NR3C2: variants seen among roughly 807,000 people sequenced by gnomAD.
NR3C2 encodes nuclear receptor subfamily 3 group C member 2.
A neutral mutation model predicts 86.4 loss-of-function variants in NR3C2; 15 were observed. The ratio of observed to expected loss-of-function variants is 0.17; its 90% CI spans 0.12 to 0.27. NR3C2 has a LOEUF of 0.27. NR3C2 is among the 10% of genes least tolerant of loss of function. NR3C2 has a pLI of 1.00. For synonymous variants in NR3C2, 458 were observed against 450.5 expected, an observed-to-expected ratio of 1.02 and a Z score of -0.21; for missense variants, 960 against 1,195.6, an observed-to-expected ratio of 0.80 and a Z score of 2.91.
intron 3 of NR3C2, among the ~76,000 whole-genome samples, chr4:148,224,327 A>C (rs565367226): frequency 2.0e-5 from 3 of 152,356 alleles, no homozygotes; most frequent in Admixed American, 2.0e-4. Flanking sequence ...ATTAGTCAAA[A>C]TAGAATGTGT....
At chr4:148,397,768 C>T (rs1346110918) in intron 2 of NR3C2, among the ~76,000 whole-genome samples, 1 of 152,200 alleles carries the variant, frequency 6.6e-6, no homozygotes, top group East Asian at 1.9e-4. Context: ...AAAATGGAAG[C>T]TGTCGCCTAA....
chr4:148,086,738 T>C (rs933096083), intron 8 of NR3C2, among the ~76,000 whole-genome samples: 1 of 152,052 alleles, frequency 6.6e-6, no homozygotes, highest in East Asian at 1.9e-4. Flanking sequence ...CGAGACTGTC[T>C]CAAAAAACAG....
chr4:148,154,409 A>G lies in NR3C2; in HGVS notation c.2365+142T>C, dbSNP rs999961559. The G allele has an allele frequency of 1.2e-4, 98 of 811,656 alleles. 5 individuals are homozygous for G. The highest frequency in any genetic ancestry group is 3.1e-5 in the Non-Finnish European group (14 of 458,842). 50.3% of individuals were successfully genotyped at this position (811,656 alleles called of 1,614,324 possible). ...TAACCATATTTTTCCTATACACTTGATCAATTTGTTATCAATTTAAAAAAT... is the reference window on the plus strand; with the variant it reads ...TAACCATATTTTTCCTATACACTTGGTCAATTTGTTATCAATTTAAAAAAT... On this transcript the variant is annotated intron_variant, in intron 5 of 8. Transcript: ENST00000358102.
chr4:148,114,828 A>C (rs975896968), intron 7 of NR3C2, among the ~76,000 whole-genome samples: 11 of 152,244 alleles, frequency 7.2e-5, no homozygotes, highest in Admixed American at 7.2e-4. Flanking sequence ...TCAAGTTCAG[A>C]TATTAAAGAC....
At chr4:148,351,697 T>C (rs992863010) in intron 2 of NR3C2, among the ~76,000 whole-genome samples, 1 of 152,162 alleles carries the variant, frequency 6.6e-6, no homozygotes, top group African/African-American at 2.4e-5. Flanking sequence ...AGTTGGCAAG[T>C]GATCAATCAG....
At chr4:148,155,085 G>C (rs547803649) in intron 4 of NR3C2, among the ~76,000 whole-genome samples, 184 bp from the exon 5 acceptor site, 10 of 152,244 alleles carry the variant, frequency 6.6e-5, no homozygotes, top group African/African-American at 2.4e-4. Flanking sequence ...GGTATTAAGA[G>C]AACAAACTCC....
intron 3 of NR3C2, among the ~76,000 whole-genome samples, chr4:148,226,621 T>C (rs1738180473): frequency 6.6e-6 from 1 of 152,150 alleles, no homozygotes; most frequent in African/African-American, 2.4e-5. Flanking sequence ...TAGGTAGGCC[T>C]AGGGTATATA....
At chr4:148,100,293 CAG>C (rs1230404160) in intron 8 of NR3C2, among the ~76,000 whole-genome samples, 3 of 152,102 alleles carry the variant, frequency 2.0e-5, no homozygotes, top group Admixed American at 6.5e-5. Flanking sequence ...CAAACAAAAA[CAG>C]AGAATGGGAG....
intron 2 of NR3C2, among the ~76,000 whole-genome samples, chr4:148,338,908 G>A (rs1263107025): frequency 6.6e-6 from 1 of 152,082 alleles, no homozygotes; most frequent in African/African-American, 2.4e-5. Context: ...TACAAAATAA[G>A]TGTTTCCAAA....
Position 148,289,245 on chromosome 4 carries a change from T to C in NR3C2, c.1758-29128A>G, listed in dbSNP as rs1384164870. ...ATTTAGAAGTAAAAAAGTCACAATG[T>C]CTGAACTTTACTTTTAATATTTACA... is the stretch of plus-strand genomic sequence containing the variant. On this transcript the variant is annotated intron_variant, in intron 2 of 8. Coordinates refer to ENST00000358102, the MANE Select transcript of NR3C2 (RefSeq NM_000901.5). Among the ~76,000 whole-genome samples the C allele has an allele frequency of 4.1e-5, 6 of 145,988 alleles. No homozygotes were observed. The Admixed American group carries it at 4.2e-4, about 10-fold the overall frequency.
chr4:148,439,398 T>C (rs1750225085), intron 1 of NR3C2, among the ~76,000 whole-genome samples: 1 of 152,034 alleles, frequency 6.6e-6, no homozygotes, highest in African/African-American at 2.4e-5. Context: ...CACCCCCAAA[T>C]TCACATTCGC....
At chr4:148,442,647 C>T (rs971435046), upstream of NR3C2, 9 of 985,348 alleles carry the variant, frequency 9.1e-6, no homozygotes, top group African/African-American at 7.0e-5. Context: ...TTGGACAATC[C>T]AGGCTGTCAG....
intron 2 of NR3C2, among the ~76,000 whole-genome samples, chr4:148,285,479 C>A (rs1453759987): frequency 1.3e-5 from 2 of 152,086 alleles, no homozygotes; most frequent in Admixed American, 1.3e-4. Context: ...GAGGCTGAGG[C>A]GGGCAGATCA....
At chr4:148,359,244 T>C (rs953899004) in intron 2 of NR3C2, among the ~76,000 whole-genome samples, 3 of 152,140 alleles carry the variant, frequency 2.0e-5, no homozygotes, top group African/African-American at 7.2e-5. Context: ...GTTTATTTCC[T>C]CTACCTTGCC....
chr4:148,114,615 G>T (rs1732191378), intron 7 of NR3C2, among the ~76,000 whole-genome samples: 1 of 152,168 alleles, frequency 6.6e-6, no homozygotes, highest in South Asian at 2.1e-4. Context: ...AGAAGGGGTG[G>T]TATTCAACTT....
At chr4:148,439,496 A>G (rs1750229322) in intron 1 of NR3C2, among the ~76,000 whole-genome samples, 1 of 151,772 alleles carries the variant, frequency 6.6e-6, no homozygotes, top group African/African-American at 2.4e-5. Flanking sequence ...TCACTGGCAC[A>G]CTCTGCGTCA....
intron 2 of NR3C2, among the ~76,000 whole-genome samples, chr4:148,381,746 C>T (rs371722371): frequency 3.9e-5 from 6 of 152,208 alleles, no homozygotes; most frequent in African/African-American, 1.4e-4. Context: ...TCAGGGTATG[C>T]TCACTTTATC....
At chr4:148,239,413 G>T (rs936025478) in intron 3 of NR3C2, among the ~76,000 whole-genome samples, 6 of 152,180 alleles carry the variant, frequency 3.9e-5, no homozygotes, top group Admixed American at 6.5e-5. Context: ...CCTTTCCTTT[G>T]CCTGCTGCTT....
intron 2 of NR3C2, among the ~76,000 whole-genome samples, chr4:148,428,240 A>C (rs1749643440): frequency 6.6e-6 from 1 of 152,224 alleles, no homozygotes; most frequent in African/African-American, 2.4e-5. Context: ...AGCGGGAGAC[A>C]GTGGTACAAA....
Sources: gnomAD v4.1 joint callset for allele counts (sites outside exome capture counted in the v4.1 genomes callset) on GRCh38, gnomAD v4.1.1 for gene constraint, MANE v1.5 for transcripts, NCBI Gene and HGNC (gene_info 2026-07-23, HGNC 2026-07-21) for gene names.